CTNNA3: variants seen among roughly 807,000 people sequenced by gnomAD.
CTNNA3 encodes the protein catenin alpha 3.
CTNNA3 carries 76 observed loss-of-function variants against 95.7 expected under a neutral mutation model. That is an observed-to-expected ratio of 0.79 (90% CI 0.66 to 0.96). The LOEUF (loss-of-function observed/expected upper bound fraction) is 0.96, where lower values mean the gene tolerates loss of function less well. Ranked by LOEUF, CTNNA3 falls within the 40% of genes least tolerant of loss-of-function variation. CTNNA3 has a pLI of 0.00. For missense variants in CTNNA3, 1,191 were observed against 1,089.8 expected (o/e 1.09, Z -1.31); for synonymous variants, 431 against 374.4 (o/e 1.15, Z -1.74).
intron 1 of CTNNA3, among the ~76,000 whole-genome samples, chr10:67,661,130 T>C (rs866187894): frequency 7.9e-5 from 12 of 152,148 alleles, no homozygotes; most frequent in Middle Eastern, 3.4e-3. Context: ...TATGTATATG[T>C]ATGTATTTAA....
intron 9 of CTNNA3, among the ~76,000 whole-genome samples, chr10:66,625,797 T>C (rs1390842033): frequency 2.0e-5 from 3 of 152,156 alleles, no homozygotes; most frequent in Non-Finnish European, 2.9e-5. Context: ...CTTCACTCCC[T>C]AACCCATGGT....
At chr10:65,922,103 AG>A (rs1456977634) in intron 17 of CTNNA3, among the ~76,000 whole-genome samples, 1 of 152,168 alleles carries the variant, frequency 6.6e-6, no homozygotes, top group Non-Finnish European at 1.5e-5. Context: ...ACTGGAACCA[AG>A]TAAGTCTGGT....
Position 67,131,191 on chromosome 10 carries a change from G to A in CTNNA3, c.1047+49126C>T, listed in dbSNP as rs141691444. 1.1e-3 allele frequency among the ~76,000 whole-genome samples: 173 copies of A among 152,070 alleles called. 1 individual carries two copies. Among genetic ancestry groups the A allele is most frequent in the African/African-American group, 4.0e-3 (167 of 41,504 alleles). On this transcript the variant is annotated intron_variant, in intron 7 of 17. Transcript: ENST00000433211. ...TCTTTCCTTTGCCTAGAATGCTCTA[G>A]GAAGCCTTTTCTGAGCCAAGAGGGT...
intron 7 of CTNNA3, among the ~76,000 whole-genome samples, chr10:67,142,014 T>C (rs533461865): frequency 7.9e-5 from 12 of 152,278 alleles, no homozygotes; most frequent in African/African-American, 2.6e-4. Flanking sequence ...AATAGCTTGA[T>C]GCAATTTTTC....
At chr10:66,532,152 G>A (rs1841487913) in intron 10 of CTNNA3, among the ~76,000 whole-genome samples, 1 of 151,936 alleles carries the variant, frequency 6.6e-6, no homozygotes, top group African/African-American at 2.4e-5. Flanking sequence ...TATAATAAGA[G>A]GTTGGCAAAA....
At chr10:67,574,476 C>T (rs1226738358) in intron 3 of CTNNA3, among the ~76,000 whole-genome samples, 2 of 151,926 alleles carry the variant, frequency 1.3e-5, no homozygotes, top group African/African-American at 4.8e-5. Flanking sequence ...GTAAGACTAA[C>T]AGCATCCATT....
chr10:67,645,192 C>T (rs539788404), intron 2 of CTNNA3, among the ~76,000 whole-genome samples: 11 of 146,094 alleles, frequency 7.5e-5, no homozygotes, highest in Admixed American at 2.7e-4. Context: ...TGCACGTGCG[C>T]GCACACACAC....
intron 5 of CTNNA3, among the ~76,000 whole-genome samples, chr10:67,418,883 T>C (rs1336305595): frequency 6.6e-6 from 1 of 152,194 alleles, no homozygotes; most frequent in African/African-American, 2.4e-5. Flanking sequence ...GATAAATATA[T>C]GAGGTAATGA....
chr10:67,558,301 A>G (rs953617971), intron 3 of CTNNA3, among the ~76,000 whole-genome samples: 1 of 152,214 alleles, frequency 6.6e-6, no homozygotes, highest in African/African-American at 2.4e-5. Context: ...ACCTTATTAA[A>G]ACTATTATAC....
chr10:67,598,693 T>C (rs1006637328), intron 3 of CTNNA3, among the ~76,000 whole-genome samples: 3 of 152,132 alleles, frequency 2.0e-5, no homozygotes, highest in African/African-American at 7.2e-5. Flanking sequence ...GAGAGTTACA[T>C]TTATATGGCA....
chr10:67,173,266 C>CAGTTGCAGGGA (rs1436154851), intron 7 of CTNNA3, among the ~76,000 whole-genome samples: 2 of 152,172 alleles, frequency 1.3e-5, no homozygotes, highest in African/African-American at 4.8e-5. Context: ...CTCTTTTCCT[C>CAGTTGCAGGGA]ACTGGGAACA....
intron 7 of CTNNA3, among the ~76,000 whole-genome samples, chr10:66,921,210 C>G (rs1170163375): frequency 2.6e-5 from 4 of 152,112 alleles, no homozygotes; most frequent in African/African-American, 9.7e-5. Flanking sequence ...TCATTTCTGT[C>G]TCTTTTTATC....
chr10:66,265,351 G>C (rs2091121085), intron 13 of CTNNA3, among the ~76,000 whole-genome samples: 1 of 151,924 alleles, frequency 6.6e-6, no homozygotes, highest in Non-Finnish European at 1.5e-5. Context: ...TGGTAGTACT[G>C]CTTGATTAAC....
At chr10:66,033,368 C>T (rs538477303) in intron 15 of CTNNA3, among the ~76,000 whole-genome samples, 20 of 152,164 alleles carry the variant, frequency 1.3e-4, no homozygotes, top group Admixed American at 5.9e-4. Context: ...ATCTCCTGAC[C>T]TCGTGGTCTG....
At chr10:67,000,980 T>G (rs1851649971) in intron 7 of CTNNA3, among the ~76,000 whole-genome samples, 1 of 151,478 alleles carries the variant, frequency 6.6e-6, no homozygotes, top group African/African-American at 2.4e-5. Context: ...AGAGAGAAAA[T>G]AGGAAGGAAT....
intron 1 of CTNNA3, among the ~76,000 whole-genome samples, chr10:67,685,872 C>G (rs955793069): frequency 9.1e-4 from 139 of 152,240 alleles, no homozygotes; most frequent in African/African-American, 3.1e-3. Context: ...ATCTTCCTCT[C>G]TCTGTCTCTC....
intron 5 of CTNNA3, among the ~76,000 whole-genome samples, chr10:67,454,917 C>A (rs1245302591): frequency 6.6e-6 from 1 of 151,968 alleles, no homozygotes; most frequent in African/African-American, 2.4e-5. Context: ...AAAGATATGA[C>A]CCTAAAATCT....
chr10:67,597,408 G>C (rs966969877), intron 3 of CTNNA3, among the ~76,000 whole-genome samples: 4 of 152,148 alleles, frequency 2.6e-5, no homozygotes, highest in African/African-American at 9.7e-5. Flanking sequence ...TTAAATCTTT[G>C]AGCTTGTTCT....
At chr10:66,627,531 C>T (rs929318145) in intron 9 of CTNNA3, among the ~76,000 whole-genome samples, 2 of 152,112 alleles carry the variant, frequency 1.3e-5, no homozygotes, top group African/African-American at 4.8e-5. Flanking sequence ...CAGAGAACCA[C>T]GATTCTTAGT....
Sources: allele counts gnomAD v4.1 joint callset (sites outside exome capture counted in the v4.1 genomes callset), GRCh38; gene constraint gnomAD v4.1.1; transcripts MANE v1.5; gene names NCBI Gene and HGNC (gene_info 2026-07-23, HGNC 2026-07-21).